ITGAE: variants seen among roughly 807,000 people sequenced by gnomAD.
ITGAE encodes the protein integrin subunit alpha E.
ITGAE carries 99 observed loss-of-function variants against 136.5 expected under a neutral mutation model. That is an observed-to-expected ratio of 0.73 (90% CI 0.62 to 0.86). The LOEUF is 0.86. Ranked by LOEUF, ITGAE falls within the 40% of genes least tolerant of loss-of-function variation. ITGAE has a pLI of 0.00. For missense variants in ITGAE, 1,447 were observed against 1,515.3 expected, an observed-to-expected ratio of 0.95 and a Z score of 0.75; for synonymous variants, 613 against 591.8, an observed-to-expected ratio of 1.04 and a Z score of -0.52.
chr17:3,739,160 C>G (rs1331899770), intron 20 of ITGAE, among the ~76,000 whole-genome samples: 1 of 152,144 alleles, frequency 6.6e-6, no homozygotes, highest in Non-Finnish European at 1.5e-5. Context: ...AGCTCGTTCC[C>G]CTACCTCCTC....
Position 3,724,630 on chromosome 17 carries a change from G to C in ITGAE, c.3085-886C>G. 5 of 1,614,204 alleles carry C rather than the reference G, an allele frequency of 3.1e-6. No individual in the cohort carries two copies. Among genetic ancestry groups the C allele is most frequent in the Non-Finnish European group, 4.2e-6 (5 of 1,180,036 alleles). ...GCGACAGGAGGAGCCAAGGACACCAGGATGGTCCACCAAACCCGCGCCAGC... is the reference window on the plus strand; with the variant it reads ...GCGACAGGAGGAGCCAAGGACACCACGATGGTCCACCAAACCCGCGCCAGC... On this transcript the variant is annotated intron_variant, in intron 26 of 30. Coordinates refer to ENST00000263087, the MANE Select transcript of ITGAE (RefSeq NM_002208.5).
At chr17:3,755,066 G>GCCCCGCCCTCATCAGGTGC in intron 12 of ITGAE, 51 bp downstream of exon 12, 2 of 1,535,822 alleles carry the variant, frequency 1.3e-6, no homozygotes, top group African/African-American at 1.4e-5. Context: ...GAGCCTCCAG[G>GCCCCGCCCTCATCAGGTGC]CCCCGCCCTC....
In ITGAE at chr17:3,745,661, A is replaced by G. The variant is rs2051694667; in HGVS notation, c.2319+103T>C. 5.2e-5 allele frequency: 59 copies of G among 1,134,390 alleles called. No individual in the cohort carries two copies. The South Asian group carries it at 7.0e-4, about 14-fold the overall frequency. 70.3% of individuals were successfully genotyped at this position (1,134,390 alleles called of 1,614,324 possible). ...CTGGCCTGTTATGATTATTTTAATCACCTCATTTGTAGGTCTGGGTATGTG... is the reference window on the plus strand; with the variant it reads ...CTGGCCTGTTATGATTATTTTAATCGCCTCATTTGTAGGTCTGGGTATGTG... On this transcript the variant is annotated intron_variant, in intron 18 of 30. Coordinates refer to ENST00000263087, the MANE Select transcript of ITGAE (RefSeq NM_002208.5).
rs760815467 is a variant in ITGAE at position 3,724,423 on chromosome 17, G to A, written c.3085-679C>T. 4.3e-6 allele frequency: 7 copies of A among 1,612,784 alleles called. No individual in the cohort carries two copies. The Admixed American group carries it at 5.0e-5, about 12-fold the overall frequency. On this transcript the variant is annotated intron_variant, in intron 26 of 30. Coordinates refer to ENST00000263087, the MANE Select transcript of ITGAE (RefSeq NM_002208.5). ...CAGCCCAGGGACGGCGACGAGCTGGGCATCAGTGCCTCCCTGTTCAGCTCT... is the reference window on the plus strand; with the variant it reads ...CAGCCCAGGGACGGCGACGAGCTGGACATCAGTGCCTCCCTGTTCAGCTCT...
chr17:3,726,275 A>G (rs775999362), intron 26 of ITGAE: 2 of 1,614,180 alleles, frequency 1.2e-6, no homozygotes, highest in South Asian at 1.1e-5. Context: ...TCCACAGGAC[A>G]ATGCTGAACT....
At chr17:3,797,386 C>G (rs534747413) in intron 1 of ITGAE, among the ~76,000 whole-genome samples, 30 of 150,372 alleles carry the variant, frequency 2.0e-4, no homozygotes, top group African/African-American at 6.6e-4. Flanking sequence ...AGGATGGTCT[C>G]GATCTCCTGA....
chr17:3,763,555 CTT>C lies in ITGAE; in HGVS notation c.247+312_247+313del, dbSNP rs775062338. Among the ~76,000 whole-genome samples the C allele has an allele frequency of 4.6e-5, 7 of 152,140 alleles. No individual in the cohort carries two copies. In the East Asian group the frequency reaches 1.2e-3, roughly 25 times the overall value. ...CATTCTCTGAACTGTAGCTTCCTCT[CTT>C]ATAAATGGCGCGGTTTTGAGGATGA... On this transcript the variant is annotated intron_variant, in intron 3 of 30. Transcript: ENST00000263087.
At chr17:3,787,789 G>T (rs2052835593) in intron 1 of ITGAE, among the ~76,000 whole-genome samples, 1 of 151,654 alleles carries the variant, frequency 6.6e-6, no homozygotes, top group Non-Finnish European at 1.5e-5. Context: ...TCGAGTTCAA[G>T]TGATTCTCCT....
intron 3 of ITGAE, among the ~76,000 whole-genome samples, chr17:3,762,636 C>T (rs868039084): frequency 4.5e-4 from 56 of 124,172 alleles, no homozygotes; most frequent in Admixed American, 1.0e-3. Flanking sequence ...CTTGCTCTGT[C>T]GCCCAGGCTG....
intron 22 of ITGAE, 120 bp from the exon 23 acceptor site, chr17:3,731,303 T>C: frequency 1.4e-6 from 1 of 707,896 alleles, no homozygotes; most frequent in Non-Finnish European, 2.5e-6. Flanking sequence ...ATTCCTCACA[T>C]TTTTCTAACA....
chr17:3,798,149 C>A lies in ITGAE; in HGVS notation c.34+2962G>T, dbSNP rs147351051. Among the ~76,000 whole-genome samples, 590 of 152,342 alleles carry A rather than the reference C, an allele frequency of 3.9e-3. 5 individuals carry two copies. The highest frequency in any genetic ancestry group is 0.014 in the African/African-American group (565 of 41,576). On this transcript the variant is annotated intron_variant, in intron 1 of 30. Coordinates refer to ENST00000263087, the MANE Select transcript of ITGAE (RefSeq NM_002208.5). This position sits in a 1 kb window ranked among gnomAD's most constrained non-coding sequence, Gnocchi z 4.3. ...CACACTCCCCCAGCCAGCTCTCCCC[C>A]ACACACTGCATTCCGGGGGCATTTC...
At chr17:3,724,350 C>A in intron 26 of ITGAE, 1 of 1,598,642 alleles carries the variant, frequency 6.3e-7, no homozygotes, top group Non-Finnish European at 8.5e-7. Context: ...TCCGCCCTTC[C>A]CCAGCCGCGA....
Position 3,724,336 on chromosome 17 carries a change from G to C in ITGAE, c.3085-592C>G, listed in dbSNP as rs1722780711. On this transcript the variant is annotated intron_variant, in intron 26 of 30. Transcript: ENST00000263087. ...TGCAGCACACCCTGCGGCCCGCTCC[G>C]ACTTCCGCCCTTCCCCAGCCGCGAC... The C allele has an allele frequency of 1.3e-6, 2 of 1,591,678 alleles. No individual in the cohort carries two copies. The highest frequency in any genetic ancestry group is 1.7e-6 in the Non-Finnish European group (2 of 1,174,152).
In ITGAE at chr17:3,801,166, T is replaced by C. The variant is rs532587250; in HGVS notation, c.-22A>G. ...ACATCCTTGCTGGAGCAGAGGCGGCTGTGTGGGAGCCGAGGCGAGTGCGAC... is the reference window on the plus strand; with the variant it reads ...ACATCCTTGCTGGAGCAGAGGCGGCCGTGTGGGAGCCGAGGCGAGTGCGAC... On this transcript the variant is annotated 5_prime_UTR_variant, in exon 1 of 31. Transcript: ENST00000263087. 4.3e-4 allele frequency: 691 copies of C among 1,609,302 alleles called. 8 individuals are homozygous for C. In the South Asian group the frequency reaches 7.2e-3, roughly 17 times the overall value.
chr17:3,796,817 A>C (rs1184222129), intron 1 of ITGAE, among the ~76,000 whole-genome samples: 1 of 152,124 alleles, frequency 6.6e-6, no homozygotes, highest in Non-Finnish European at 1.5e-5. Context: ...ACAGTACAAT[A>C]AGTACCACGA....
chr17:3,745,836 C>G lies in ITGAE; in HGVS notation c.2247G>C (p.Leu749=). Residue 749 remains leucine (L), a synonymous_variant, in exon 18 of 31, where the codon CTG becomes CTC. Coordinates refer to ENST00000263087, the MANE Select transcript of ITGAE (RefSeq NM_002208.5). ...RLQCSDVRSC[L]GCLREWSSGS... The stretch of plus-strand genomic sequence containing the variant: ...CGCTGCTCCACTCCCTCAGGCAGCC[C>G]AGACAGCTTCTTACGTCTGAACACT... 1 of 1,614,122 alleles carries G rather than the reference C, an allele frequency of 6.2e-7. No individual in the cohort carries two copies. Among genetic ancestry groups the G allele is most frequent in the Non-Finnish European group, 8.5e-7 (1 of 1,180,022 alleles).
chr17:3,717,314 C>T (rs997687678), intron 29 of ITGAE: 2 of 153,806 alleles, frequency 1.3e-5, no homozygotes, highest in African/African-American at 4.8e-5. Context: ...GACAAAAGTA[C>T]TGGTCTTCCC....
At chr17:3,786,065 G>A (rs1002827884) in intron 1 of ITGAE, among the ~76,000 whole-genome samples, 50 of 151,640 alleles carry the variant, frequency 3.3e-4, no homozygotes, top group African/African-American at 1.2e-3. Context: ...TACTCGGGAG[G>A]CTGAGGCAGG....
At chr17:3,787,845 G>A (rs2143433121) in intron 1 of ITGAE, among the ~76,000 whole-genome samples, 1 of 151,906 alleles carries the variant, frequency 6.6e-6, no homozygotes, top group South Asian at 2.1e-4. Context: ...CCGCCACCAC[G>A]CCCGGGTAAT....
Sources: gnomAD v4.1 joint callset for allele counts (sites outside exome capture counted in the v4.1 genomes callset) on GRCh38, gnomAD v4.1.1 for gene constraint, Gnocchi (gnomAD v3.1) non-coding constraint, MANE v1.5 for transcripts, NCBI Gene and HGNC (gene_info 2026-07-23, HGNC 2026-07-21) for gene names.